The following IDE variants were observed in gnomAD, a reference collection of about 807,000 sequenced individuals.
The protein encoded by IDE is insulin degrading enzyme, also known as insulin-degrading enzyme.
IDE carries 58 observed loss-of-function variants against 133.2 expected under a neutral mutation model. The observed-to-expected ratio is 0.44, with a 90% CI of 0.35 to 0.54. The LOEUF is 0.54. Among genes scored for constraint, IDE ranks in the 20% least tolerant of loss-of-function variants. IDE has a pLI of 0.00. For missense variants in IDE, 981 were observed against 1,234.0 expected, an observed-to-expected ratio of 0.79 and a Z score of 3.07; for synonymous variants, 396 against 421.3, an observed-to-expected ratio of 0.94 and a Z score of 0.73.
In IDE at chr10:92,539,012, A is replaced by G. The variant is rs201666669; in HGVS notation, c.99-1462T>C. ...AGAAATAGGCATACAATTATTTTAG[A>G]TAAGTTTTTTCTGTGTTAAAATCTC... On this transcript the variant is annotated intron_variant, in intron 1 of 24. Transcript: ENST00000265986. 1.5e-4 allele frequency among the ~76,000 whole-genome samples: 23 copies of G among 152,306 alleles called. No individual in the cohort carries two copies. The East Asian group carries it at 4.0e-3, about 27-fold the overall frequency.
At chr10:92,549,060 C>A (rs915545262) in intron 1 of IDE, among the ~76,000 whole-genome samples, 2 of 151,988 alleles carry the variant, frequency 1.3e-5, no homozygotes, top group African/African-American at 4.8e-5. Flanking sequence ...GAGTTAGAAA[C>A]CAGCCTGGCC....
intron 1 of IDE, among the ~76,000 whole-genome samples, chr10:92,571,805 T>G (rs541521099): frequency 7.9e-5 from 12 of 152,378 alleles, no homozygotes; most frequent in South Asian, 2.1e-4. Context: ...CAGATAGACA[T>G]GGGTTAAATC....
At chr10:92,533,471 AAAGT>A (rs1177939436) in intron 3 of IDE, among the ~76,000 whole-genome samples, 5 of 152,190 alleles carry the variant, frequency 3.3e-5, no homozygotes, top group Non-Finnish European at 7.3e-5. Flanking sequence ...ACTATTATTA[AAAGT>A]AAGCAAATAA....
intron 2 of IDE, among the ~76,000 whole-genome samples, chr10:92,535,444 A>G (rs1841947846): frequency 6.6e-6 from 1 of 151,228 alleles, no homozygotes; most frequent in South Asian, 2.1e-4. Flanking sequence ...GCAGGAGACT[A>G]TACAGCACAG....
intron 1 of IDE, among the ~76,000 whole-genome samples, chr10:92,556,959 A>G (rs1019728134): frequency 2.0e-5 from 3 of 152,014 alleles, no homozygotes; most frequent in African/African-American, 7.2e-5. Context: ...TAAATTTAAC[A>G]AAAGAAATGT....
At chr10:92,496,932 A>G (rs949821014) in intron 11 of IDE, among the ~76,000 whole-genome samples, 3 of 152,226 alleles carry the variant, frequency 2.0e-5, no homozygotes, top group African/African-American at 7.2e-5. Flanking sequence ...GAGGCAGAAA[A>G]CTGGAGATGG....
intron 22 of IDE, among the ~76,000 whole-genome samples, chr10:92,458,299 T>C (rs1845137415): frequency 6.6e-6 from 1 of 152,184 alleles, no homozygotes; most frequent in African/African-American, 2.4e-5. Flanking sequence ...GTCTTTACTG[T>C]GGGACTTCTT....
chr10:92,524,202 G>A (rs891769200), intron 4 of IDE, among the ~76,000 whole-genome samples: 1 of 144,036 alleles, frequency 6.9e-6, no homozygotes, highest in African/African-American at 2.6e-5. Flanking sequence ...CAGCTACTTG[G>A]GAGGCTGAGG....
intron 19 of IDE, 42 bp from the exon 20 acceptor site, chr10:92,465,885 T>A: frequency 6.3e-7 from 1 of 1,582,692 alleles, no homozygotes; most frequent in South Asian, 1.1e-5. Context: ...CAAAAACTTA[T>A]TTGGGGTTTA....
chr10:92,524,358 TTATATTATAATATATATTA>T (rs1849419029), intron 4 of IDE, among the ~76,000 whole-genome samples: 1 of 17,588 alleles, frequency 5.7e-5, no homozygotes, highest in Admixed American at 9.7e-4. Flanking sequence ...ATAATATATT[TTATATTATAATATATATTA>T]TATATAATAT....
intron 1 of IDE, among the ~76,000 whole-genome samples, chr10:92,565,657 G>A (rs886971757): frequency 4.6e-5 from 7 of 151,798 alleles, no homozygotes; most frequent in South Asian, 2.1e-4. Context: ...ATCCATGTCC[G>A]TGTCTTCAAC....
Position 92,465,766 on chromosome 10 carries a change from G to GC in IDE, c.2397dup (p.Gln800AlafsTer42). ...AGAAACATATTCTCTGAGGTGCTTT[G>GC]CATGTCTGTTTGGTAGTATATCTCG... On this transcript the variant is annotated frameshift_variant, in exon 20 of 25. Transcript: ENST00000265986. LOFTEE classifies it high-confidence loss of function. 1.9e-6 allele frequency: 3 copies of GC among 1,613,744 alleles called. No individual in the cohort carries two copies. The highest frequency in any genetic ancestry group is 1.7e-6 in the Non-Finnish European group (2 of 1,179,662).
intron 17 of IDE, among the ~76,000 whole-genome samples, chr10:92,472,439 ATAT>A (rs1158117403): frequency 1.3e-5 from 2 of 152,208 alleles, no homozygotes; most frequent in East Asian, 3.9e-4. Flanking sequence ...AAAGAAAAGC[ATAT>A]TAACTGTCCT....
At chr10:92,474,482 C>T (rs1341211597) in intron 17 of IDE, 1 of 153,228 alleles carries the variant, frequency 6.5e-6, no homozygotes, top group African/African-American at 2.4e-5. Flanking sequence ...TGTTTTTTTA[C>T]ATTTTATTTT....
chr10:92,495,177 C>A (rs1847609188), intron 11 of IDE, among the ~76,000 whole-genome samples: 2 of 150,190 alleles, frequency 1.3e-5, no homozygotes, highest in Admixed American at 1.3e-4. Context: ...GATTCTCCTG[C>A]CTCGGCTTCC....
At chr10:92,488,509 G>A (rs778416007) in intron 12 of IDE, among the ~76,000 whole-genome samples, 14 of 152,132 alleles carry the variant, frequency 9.2e-5, no homozygotes, top group Non-Finnish European at 1.9e-4. Context: ...CAGGCGCGGT[G>A]GCTCACGCCT....
chr10:92,544,884 G>A (rs1315381204), intron 1 of IDE, among the ~76,000 whole-genome samples: 1 of 152,160 alleles, frequency 6.6e-6, no homozygotes, highest in Non-Finnish European at 1.5e-5. Flanking sequence ...ACTGACTCAT[G>A]CATGAAAGGA....
intron 6 of IDE, among the ~76,000 whole-genome samples, chr10:92,509,477 C>T (rs538292183): frequency 3.2e-4 from 48 of 152,062 alleles, no homozygotes; most frequent in African/African-American, 1.1e-3. Context: ...CCTATAGTTC[C>T]AGCTACTCAG....
At chr10:92,469,118 G>C in intron 18 of IDE, 128 bp from the exon 19 acceptor site, 1 of 598,738 alleles carries the variant, frequency 1.7e-6, no homozygotes, top group Non-Finnish European at 3.0e-6. Context: ...TATTCAAATG[G>C]ATAAAAATTG....
Sources: allele counts gnomAD v4.1 joint callset (sites outside exome capture counted in the v4.1 genomes callset), GRCh38; gene constraint gnomAD v4.1.1; transcripts MANE v1.5; gene names NCBI Gene and HGNC (gene_info 2026-07-23, HGNC 2026-07-21).